The following LGR4 variants were observed in gnomAD, a reference collection of about 807,000 sequenced individuals.
The protein encoded by LGR4 is leucine rich repeat containing G protein-coupled receptor 4.
In LGR4, 44 loss-of-function variants were observed where a neutral mutation model predicts 84.8. That is an observed-to-expected ratio of 0.52 (90% confidence interval 0.41 to 0.67). The LOEUF is 0.67. Among genes scored for constraint, LGR4 ranks in the 30% least tolerant of loss-of-function variants. LGR4 has a pLI of 0.00. For synonymous variants in LGR4, 429 were observed against 434.3 expected, an observed-to-expected ratio of 0.99 and a Z score of 0.15; for missense variants, 1,032 against 1,131.4, an observed-to-expected ratio of 0.91 and a Z score of 1.26.
At chr11:27,462,564 AG>A (rs1864701879) in intron 1 of LGR4, among the ~76,000 whole-genome samples, 1 of 152,212 alleles carries the variant, frequency 6.6e-6, no homozygotes, top group Admixed American at 6.5e-5. Context: ...TCACCTGTGA[AG>A]TCTATGGGCT....
intron 1 of LGR4, among the ~76,000 whole-genome samples, chr11:27,425,745 T>C (rs1258123975): frequency 6.6e-6 from 1 of 152,162 alleles, no homozygotes; most frequent in Non-Finnish European, 1.5e-5. Flanking sequence ...TGGGTTGTGA[T>C]GGGAAGAGGT....
intron 1 of LGR4, among the ~76,000 whole-genome samples, chr11:27,434,583 A>G (rs886064887): frequency 1.3e-5 from 2 of 152,218 alleles, no homozygotes; most frequent in African/African-American, 4.8e-5. Context: ...TGAGCTGTTC[A>G]GTAAGAGAAG....
intron 1 of LGR4, among the ~76,000 whole-genome samples, chr11:27,432,033 G>A (rs1429919747): frequency 1.3e-5 from 2 of 151,858 alleles, no homozygotes; most frequent in African/African-American, 2.4e-5. Context: ...ACATCCTGCC[G>A]GTTATTATCC....
At chr11:27,451,474 G>C (rs1002634981) in intron 1 of LGR4, among the ~76,000 whole-genome samples, 2 of 152,136 alleles carry the variant, frequency 1.3e-5, no homozygotes, top group South Asian at 4.1e-4. Flanking sequence ...TTTCTCACTA[G>C]GCCAGAAAGG....
intron 1 of LGR4, among the ~76,000 whole-genome samples, chr11:27,436,600 A>G (rs1864216465): frequency 6.6e-6 from 1 of 152,120 alleles, no homozygotes; most frequent in Admixed American, 6.5e-5. Context: ...TTTTCACCAT[A>G]TTTTTTTATC....
At chr11:27,458,563 A>C (rs757089814) in intron 1 of LGR4, among the ~76,000 whole-genome samples, 4 of 150,202 alleles carry the variant, frequency 2.7e-5, no homozygotes, top group Non-Finnish European at 4.4e-5. Context: ...TTTGAGATGG[A>C]ATTTCGCTCT....
intron 2 of LGR4, among the ~76,000 whole-genome samples, chr11:27,406,093 C>A (rs1295935609): frequency 5.9e-5 from 9 of 152,130 alleles, no homozygotes; most frequent in Admixed American, 5.9e-4. Context: ...CAGTCTGTGT[C>A]CCCATCTTTG....
At chr11:27,465,963 A>G (rs1864769991) in intron 1 of LGR4, among the ~76,000 whole-genome samples, 2 of 152,196 alleles carry the variant, frequency 1.3e-5, no homozygotes. Flanking sequence ...TTGGGGGAAA[A>G]AAGAAAAAAA....
Position 27,372,266 on chromosome 11 carries a change from G to T in LGR4, c.1495+17C>A, listed in dbSNP as rs2448001. ...GCCTTAAAGGAGTGTTCTATTTTTT[G>T]AAACTCATGCACTTGCCTTTCTCCT... is the stretch of plus-strand genomic sequence containing the variant. On this transcript the variant is annotated intron_variant, in intron 16 of 17. Transcript: ENST00000379214. The T allele has an allele frequency of 7.0e-7, 1 of 1,424,640 alleles. No individual in the cohort carries two copies. The highest frequency in any genetic ancestry group is 2.3e-5 in the East Asian group (1 of 44,030). The allele number at this position is 1,424,640 out of a possible 1,614,324, so 88.2% of individuals were successfully genotyped here. A position where few individuals can be genotyped will look rare whatever the true frequency, so the allele number is the denominator to read the frequency against.
At chr11:27,401,921 C>T (rs1863512157) in intron 2 of LGR4, among the ~76,000 whole-genome samples, 1 of 152,124 alleles carries the variant, frequency 6.6e-6, no homozygotes, top group African/African-American at 2.4e-5. Context: ...CAATACGCTG[C>T]TAAGTGGTGA....
intron 11 of LGR4, among the ~76,000 whole-genome samples, 191 bp downstream of exon 11, chr11:27,378,506 A>C (rs1314939555): frequency 1.3e-5 from 2 of 152,232 alleles, no homozygotes; most frequent in African/African-American, 4.8e-5. Flanking sequence ...GATATATTCA[A>C]AACCCTAAAA....
chr11:27,402,971 A>T (rs1391997659), intron 2 of LGR4, among the ~76,000 whole-genome samples: 1 of 152,174 alleles, frequency 6.6e-6, no homozygotes, highest in East Asian at 1.9e-4. Context: ...GCTCCAGGTC[A>T]CCAGGCTGCA....
At chr11:27,406,514 A>G (rs1863613481) in intron 2 of LGR4, among the ~76,000 whole-genome samples, 1 of 152,190 alleles carries the variant, frequency 6.6e-6, no homozygotes, top group Admixed American at 6.6e-5. Flanking sequence ...TTTATGAGTT[A>G]AAATAAAACA....
intron 2 of LGR4, among the ~76,000 whole-genome samples, chr11:27,406,721 C>T (rs1863617858): frequency 6.6e-6 from 1 of 152,044 alleles, no homozygotes; most frequent in East Asian, 1.9e-4. Context: ...TCTTTGCTAC[C>T]AAGTCATCCT....
rs145214165 is a variant in LGR4 at position 27,397,083 on chromosome 11, T to C, written c.258-4565A>G. Reference sequence around the variant, plus strand: ...ATCTGAAAAAGCACAATTCTAAGCATTTTCCCAAAGGCTCTCTTTTCCCCT... The same window carrying C: ...ATCTGAAAAAGCACAATTCTAAGCACTTTCCCAAAGGCTCTCTTTTCCCCT... On this transcript the variant is annotated intron_variant, in intron 2 of 17. Coordinates refer to ENST00000379214, the MANE Select transcript of LGR4 (RefSeq NM_018490.5). 1.1e-4 allele frequency among the ~76,000 whole-genome samples: 16 copies of C among 152,302 alleles called. No individual in the cohort carries two copies. The East Asian group carries it at 3.1e-3, about 29-fold the overall frequency.
chr11:27,416,997 G>T (rs1174319999), intron 1 of LGR4, among the ~76,000 whole-genome samples: 1 of 152,142 alleles, frequency 6.6e-6, no homozygotes, highest in African/African-American at 2.4e-5. Flanking sequence ...GGCTAAGCAT[G>T]TACCACTGTG....
intron 1 of LGR4, among the ~76,000 whole-genome samples, chr11:27,438,605 T>C (rs1864250841): frequency 6.6e-6 from 1 of 152,212 alleles, no homozygotes. Context: ...GAGATGATCA[T>C]TGTAATCAGT....
At chr11:27,382,635 C>T (rs1863117954) in intron 6 of LGR4, among the ~76,000 whole-genome samples, 1 of 152,110 alleles carries the variant, frequency 6.6e-6, no homozygotes, top group African/African-American at 2.4e-5. Context: ...ACTGAGGTTT[C>T]CATTTGGAGT....
chr11:27,457,085 A>T (rs1229847284), intron 1 of LGR4, among the ~76,000 whole-genome samples: 1 of 152,182 alleles, frequency 6.6e-6, no homozygotes, highest in Non-Finnish European at 1.5e-5. Flanking sequence ...GAGCTTCACA[A>T]ACTACCACCC....
Sources: allele counts gnomAD v4.1 joint callset (sites outside exome capture counted in the v4.1 genomes callset), GRCh38; gene constraint gnomAD v4.1.1; transcripts MANE v1.5; gene names NCBI Gene and HGNC (gene_info 2026-07-23, HGNC 2026-07-21).